The following THSD7B variants were observed in gnomAD, a reference collection of about 807,000 sequenced individuals.
The protein encoded by THSD7B is thrombospondin type 1 domain containing 7B.
Under a neutral mutation model 213.6 loss-of-function variants are expected in THSD7B, and 138 were observed. The observed-to-expected ratio is 0.65, with a 90% confidence interval of 0.56 to 0.74. THSD7B has a LOEUF of 0.74. Ranked by LOEUF, THSD7B falls within the 30% of genes least tolerant of loss-of-function variation. The probability of loss-of-function intolerance (pLI) is 0.00; values close to 1 mark genes in which losing one functional copy is unlikely to be tolerated. For synonymous variants in THSD7B, 742 were observed against 687.0 expected (o/e 1.08, Z -1.25); for missense variants, 1,931 against 1,991.5 (o/e 0.97, Z 0.58).
At chr2:136,892,737 G>C (rs1489855155) in intron 2 of THSD7B, among the ~76,000 whole-genome samples, 5 of 125,614 alleles carry the variant, frequency 4.0e-5, no homozygotes, top group African/African-American at 1.1e-4. Context: ...TCCATGTATG[G>C]ATTTTAAAGT....
intron 5 of THSD7B, among the ~76,000 whole-genome samples, chr2:137,145,632 G>A (rs1679681133): frequency 6.6e-6 from 1 of 151,976 alleles, no homozygotes. Context: ...GCCATAATAA[G>A]TATGTCTTAT....
At chr2:136,770,590 C>T (rs1247829780) in intron 1 of THSD7B, among the ~76,000 whole-genome samples, 1 of 152,176 alleles carries the variant, frequency 6.6e-6, no homozygotes, top group Non-Finnish European at 1.5e-5. Flanking sequence ...CTGGGTGTCA[C>T]CCACCTGGTA....
At position 137,450,938 on chromosome 2, in the gene THSD7B, T is replaced by A. The variant is rs763876801; in HGVS notation, c.3053T>A (p.Ile1018Asn). ...GGGTCTTGCAGTTCATCTTGTGGAA[T>A]TGGAGTGAGAATTCGATCCAAATGG... ...SWGSCSSSCG[I>N]GVRIRSKWLK... The change falls in exon 15 of 28, where the codon ATT becomes AAT. Residue 1018 changes from isoleucine to asparagine, a missense_variant. Ile to Asn is a moderately radical substitution (Grantham distance 149). Coordinates refer to ENST00000409968, the MANE Select transcript of THSD7B (RefSeq NM_001316349.2). 4 of 1,613,500 alleles carry A rather than the reference T, an allele frequency of 2.5e-6. No homozygotes were observed. In the Admixed American group the frequency reaches 5.0e-5, roughly 20 times the overall value.
rs560076225 is a variant in THSD7B at position 137,582,330 on chromosome 2, A to T, written c.3423+9774A>T. 2.6e-5 allele frequency among the ~76,000 whole-genome samples: 4 copies of T among 152,090 alleles called. No individual in the cohort carries two copies. The South Asian group carries it at 8.3e-4, about 32-fold the overall frequency. Reference sequence around the variant, plus strand: ...TAAACTAGTTTTGTTAAATGTAGGAAATAGTTATTTGACTTTTTTATTATT... The same window carrying T: ...TAAACTAGTTTTGTTAAATGTAGGATATAGTTATTTGACTTTTTTATTATT... On this transcript the variant is annotated intron_variant, in intron 17 of 27. Coordinates refer to ENST00000409968, the MANE Select transcript of THSD7B (RefSeq NM_001316349.2).
chr2:137,642,197 A>C (rs1682951565), intron 20 of THSD7B: 1 of 263,570 alleles, frequency 3.8e-6, no homozygotes, highest in African/African-American at 2.2e-5. Context: ...ATGAATTGAC[A>C]GTCTACCAAT....
chr2:137,542,075 T>C (rs1680621282), intron 15 of THSD7B, among the ~76,000 whole-genome samples: 1 of 151,700 alleles, frequency 6.6e-6, no homozygotes, highest in Non-Finnish European at 1.5e-5. Context: ...CTTCCTGAGT[T>C]TGATGAAAAA....
chr2:137,159,510 A>C (rs1168260160), intron 5 of THSD7B, among the ~76,000 whole-genome samples: 1 of 152,134 alleles, frequency 6.6e-6, no homozygotes, highest in Non-Finnish European at 1.5e-5. Context: ...TACAGAGGAC[A>C]CATGGTGAAC....
chr2:137,579,518 G>GCACA (rs145650148), intron 17 of THSD7B, among the ~76,000 whole-genome samples: 107 of 140,018 alleles, frequency 7.6e-4, no homozygotes, highest in African/African-American at 2.9e-3. Context: ...GTGAGTACAT[G>GCACA]CACACACACA....
intron 2 of THSD7B, among the ~76,000 whole-genome samples, chr2:136,926,133 A>T (rs1444824957): frequency 6.6e-6 from 1 of 152,034 alleles, no homozygotes; most frequent in Non-Finnish European, 1.5e-5. Context: ...ATAGACTCCT[A>T]CCTGCATTTG....
At chr2:136,832,659 G>A (rs2104948385) in intron 1 of THSD7B, among the ~76,000 whole-genome samples, 1 of 152,282 alleles carries the variant, frequency 6.6e-6, no homozygotes, top group Non-Finnish European at 1.5e-5. Flanking sequence ...TCATCACTTT[G>A]CCACTGGCTA....
chr2:136,843,996 AAACT>A (rs1335754740), intron 1 of THSD7B, among the ~76,000 whole-genome samples: 1 of 152,194 alleles, frequency 6.6e-6, no homozygotes, highest in African/African-American at 2.4e-5. Context: ...CAGGGATTTC[AAACT>A]ATACTCTGAG....
intron 2 of THSD7B, among the ~76,000 whole-genome samples, chr2:136,906,898 A>G (rs1341875766): frequency 6.9e-6 from 1 of 144,304 alleles, no homozygotes; most frequent in Non-Finnish European, 1.5e-5. Context: ...ACTTTCATTT[A>G]CAATAGTCAC....
rs377701555 is a variant in THSD7B, at chr2:137,060,096, T to C, written c.950+2866T>C. 6.6e-5 allele frequency among the ~76,000 whole-genome samples: 10 copies of C among 152,232 alleles called. No individual in the cohort carries two copies. The East Asian group carries it at 1.7e-3, about 26-fold the overall frequency. ...TGTAATGGTATCTCATTGTTTTAAA[T>C]TGCGATTCCTTAATGACATGTGATG... On this transcript the variant is annotated intron_variant, in intron 3 of 27. Transcript: ENST00000409968.
chr2:137,072,612 T>A (rs1687520400), intron 3 of THSD7B, among the ~76,000 whole-genome samples: 1 of 152,314 alleles, frequency 6.6e-6, no homozygotes, highest in South Asian at 2.1e-4. Context: ...TCCTGCCTAA[T>A]TGCCCTGGCC....
rs1319407105 is a variant in THSD7B at position 137,546,485 on chromosome 2, A to C, written c.3139-16736A>C. Among the ~76,000 whole-genome samples, 27 of 77,512 alleles carry C rather than the reference A, an allele frequency of 3.5e-4. 1 individual carries two copies. The highest frequency in any genetic ancestry group is 1.3e-3 in the African/African-American group (23 of 18,292). 50.9% of individuals were successfully genotyped at this position (77,512 alleles called of 152,430 possible). On this transcript the variant is annotated intron_variant, in intron 15 of 27. Transcript: ENST00000409968. Reference sequence around the variant, plus strand: ...TATAATATATATATATATAATATATATATATATATATTAACATACCTATTG... The same window carrying C: ...TATAATATATATATATATAATATATCTATATATATATTAACATACCTATTG...
intron 4 of THSD7B, among the ~76,000 whole-genome samples, chr2:137,104,884 A>G (rs1322028184): frequency 1.3e-5 from 2 of 152,210 alleles, no homozygotes; most frequent in African/African-American, 4.8e-5. Context: ...TGAATAGACC[A>G]ATGACAAGTT....
At chr2:137,527,795 T>G (rs1680306844) in intron 15 of THSD7B, among the ~76,000 whole-genome samples, 1 of 152,086 alleles carries the variant, frequency 6.6e-6, no homozygotes, top group Admixed American at 6.6e-5. Flanking sequence ...TCCATTGAAC[T>G]TGAATTTTGG....
chr2:137,518,202 T>G (rs1680110994), intron 15 of THSD7B, among the ~76,000 whole-genome samples: 1 of 152,126 alleles, frequency 6.6e-6, no homozygotes, highest in African/African-American at 2.4e-5. Flanking sequence ...GATGGCCTCA[T>G]GGGGAGTTCC....
rs369225913 is a variant in THSD7B at position 137,408,474 on chromosome 2, C to T, written c.2695+2667C>T. 1.2e-4 allele frequency among the ~76,000 whole-genome samples: 18 copies of T among 152,194 alleles called. 1 individual carries two copies. In the South Asian group the frequency reaches 3.1e-3, roughly 26 times the overall value. On this transcript the variant is annotated intron_variant, in intron 13 of 27. Coordinates refer to ENST00000409968, the MANE Select transcript of THSD7B (RefSeq NM_001316349.2). The stretch of plus-strand genomic sequence containing the variant: ...CACGATCCTAACTTAACAGAGCTTG[C>T]GATCTAATTGGAGATACGGTGAGAT...
Sources: allele counts gnomAD v4.1 joint callset (sites outside exome capture counted in the v4.1 genomes callset), GRCh38; gene constraint gnomAD v4.1.1; transcripts MANE v1.5; gene names NCBI Gene and HGNC (gene_info 2026-07-23, HGNC 2026-07-21).